FAF2: variants seen among roughly 807,000 people sequenced by gnomAD.
The protein encoded by FAF2 is FAS-associated factor 2.
Under a neutral mutation model 62.3 loss-of-function variants are expected in FAF2, and 9 were observed. The ratio of observed to expected loss-of-function variants is 0.14; its 90% CI spans 0.09 to 0.25. The LOEUF (loss-of-function observed/expected upper bound fraction) is 0.25, where lower values mean the gene tolerates loss of function less well. FAF2 is among the 10% of genes least tolerant of loss of function. The pLI is 1.00. For missense variants in FAF2, 368 were observed against 556.2 expected (o/e 0.66, Z 3.40); for synonymous variants, 202 against 198.0 (o/e 1.02, Z -0.17).
rs1314096875 is a variant in FAF2 at position 176,507,025 on chromosome 5, GA to G, written c.*85del. On this transcript the variant is annotated 3_prime_UTR_variant, in exon 11 of 11. Coordinates refer to ENST00000261942, the MANE Select transcript of FAF2 (RefSeq NM_014613.3). ...GAAAAAAGAAAACAACAGCAAGTCA[GA>G]AAAAAAAAACAAGAGAGAGAAATTC... is the stretch of plus-strand genomic sequence containing the variant. 357 of 924,056 alleles carry G rather than the reference GA, an allele frequency of 3.9e-4. No homozygotes were observed. Among genetic ancestry groups the G allele is most frequent in the Non-Finnish European group, 4.2e-4 (290 of 688,422 alleles). The allele number at this position is 924,056 out of a possible 1,614,324, so 57.2% of individuals were successfully genotyped here.
Position 176,499,085 on chromosome 5 carries a change from G to T in FAF2, c.1011G>T (p.Gln337His), listed in dbSNP as rs751214973. 1 of 1,573,172 alleles carries T rather than the reference G, an allele frequency of 6.4e-7. No homozygotes were observed. The highest frequency in any genetic ancestry group is 1.1e-5 in the South Asian group (1 of 87,200). Residue 337 changes from glutamine (Q) to histidine (H), a missense_variant and splice_region_variant, in exon 9 of 11, where the codon CAG (glutamine) becomes CAT (histidine). Gln to His is a conservative substitution (Grantham distance 24, BLOSUM62 0). Coordinates refer to ENST00000261942, the MANE Select transcript of FAF2 (RefSeq NM_014613.3). ...AGTTGGCAGAGGAGAGACGGCGGCA[G>T]GTAATGGACGTGTGGCTTTACTCCC... The part of the protein sequence containing the change: ...QQKLAEERRR[Q>H]NLQEEKERKL...
rs180734764 is a variant in FAF2 at position 176,457,022 on chromosome 5, G to A, written c.63+8552G>A. On this transcript the variant is annotated intron_variant, in intron 1 of 10. Transcript: ENST00000261942. ...GTTCAAAATGCGTTATTTTTTCAGA[G>A]TGGGCTGGGCATCGATATTTATGAA... Among the ~76,000 whole-genome samples the A allele has an allele frequency of 3.4e-3, 518 of 152,176 alleles. 3 individuals carry two copies. The highest frequency in any genetic ancestry group is 5.7e-3 in the Non-Finnish European group (390 of 68,008).
chr5:176,481,157 C>T (rs1227064854), intron 2 of FAF2, among the ~76,000 whole-genome samples: 1 of 152,032 alleles, frequency 6.6e-6, no homozygotes, highest in Non-Finnish European at 1.5e-5. Context: ...AGCAATTCTC[C>T]TGCCTCAGTC....
intron 7 of FAF2, among the ~76,000 whole-genome samples, chr5:176,495,803 G>T (rs907774791): frequency 6.6e-6 from 1 of 152,112 alleles, no homozygotes; most frequent in South Asian, 2.1e-4. Flanking sequence ...GGAGCTACCA[G>T]CCCAGCCTCA....
chr5:176,488,356 G>A (rs1581070357), intron 3 of FAF2, among the ~76,000 whole-genome samples: 1 of 152,146 alleles, frequency 6.6e-6, no homozygotes, highest in East Asian at 1.9e-4. Flanking sequence ...ACATTAATTT[G>A]CAATTGAATT....
intron 1 of FAF2, among the ~76,000 whole-genome samples, chr5:176,470,537 A>G (rs1049536865): frequency 2.6e-5 from 4 of 152,278 alleles, no homozygotes; most frequent in African/African-American, 9.6e-5. Context: ...AGATCGCGCC[A>G]TCGCGCTCCA....
chr5:176,477,039 AC>A (rs769451310), intron 1 of FAF2, among the ~76,000 whole-genome samples: 57 of 149,398 alleles, frequency 3.8e-4, no homozygotes, highest in Middle Eastern at 3.5e-3. Flanking sequence ...CGATCTCCTG[AC>A]TTCGTGATCC....
chr5:176,454,646 T>TA (rs1317710828), intron 1 of FAF2, among the ~76,000 whole-genome samples: 1 of 139,836 alleles, frequency 7.2e-6, no homozygotes, highest in African/African-American at 2.7e-5. Context: ...GTTAGCAACA[T>TA]ACAATTGTAT....
chr5:176,494,433 C>T lies in FAF2; in HGVS notation c.661+158C>T, dbSNP rs758715802. Among the ~76,000 whole-genome samples the T allele has an allele frequency of 6.6e-6, 1 of 152,132 alleles. No individual in the cohort carries two copies. Among genetic ancestry groups the T allele is most frequent in the African/African-American group, 2.4e-5 (1 of 41,416 alleles). The stretch of plus-strand genomic sequence containing the variant: ...GTCTCATTTAATCCTCTCAGCAGTC[C>T]TGAGAGATGGGGGGTCATATTACCT... On this transcript the variant is annotated intron_variant, in intron 7 of 10. Coordinates refer to ENST00000261942, the MANE Select transcript of FAF2 (RefSeq NM_014613.3). The surrounding 1 kb of genome is among the most constrained non-coding windows in gnomAD (Gnocchi z 4.0).
Position 176,492,222 on chromosome 5 carries a change from C to T in FAF2, c.373C>T (p.Pro125Ser). The change falls in exon 5 of 11, where the codon CCT becomes TCT. Residue 125 changes from proline (P) to serine (S), a missense_variant. This residue lies in a region of FAF2 where 331 missense variants were observed against 441.9 expected (regional missense o/e 0.75). Coordinates refer to ENST00000261942, the MANE Select transcript of FAF2 (RefSeq NM_014613.3). ...TGCTCTTCGTTTTATACGGCCTGACCCTCGCAGCCGGGTCACTGACCCCGT... is the reference window on the plus strand; with the variant it reads ...TGCTCTTCGTTTTATACGGCCTGACTCTCGCAGCCGGGTCACTGACCCCGT... ...RFALRFIRPD[P>S]RSRVTDPVGD... is the part of the protein sequence containing the mutation. The T allele has an allele frequency of 6.2e-7, 1 of 1,614,092 alleles. No homozygotes were observed. Among genetic ancestry groups the T allele is most frequent in the East Asian group, 2.2e-5 (1 of 44,884 alleles).
chr5:176,502,747 T>A (rs1037733165), intron 10 of FAF2, among the ~76,000 whole-genome samples: 5 of 151,622 alleles, frequency 3.3e-5, no homozygotes, highest in Non-Finnish European at 7.4e-5. Flanking sequence ...CACTAAAAGC[T>A]GTTTTTTAAA....
chr5:176,469,973 G>A (rs2113725786), intron 1 of FAF2, among the ~76,000 whole-genome samples: 1 of 152,232 alleles, frequency 6.6e-6, no homozygotes, highest in Admixed American at 6.5e-5. Context: ...GTGAGAGGGT[G>A]GGGTGGAAAA....
intron 1 of FAF2, among the ~76,000 whole-genome samples, chr5:176,456,485 A>T (rs908520568): frequency 2.6e-5 from 4 of 152,216 alleles, no homozygotes; most frequent in Admixed American, 6.5e-5. Context: ...ATATGAAAAG[A>T]TGCTCAAATC....
At chr5:176,504,833 G>A (rs112754273) in intron 10 of FAF2, among the ~76,000 whole-genome samples, 8 of 152,118 alleles carry the variant, frequency 5.3e-5, no homozygotes, top group African/African-American at 1.9e-4. Context: ...CCTGAAGAGG[G>A]CAACATGGCA....
intron 4 of FAF2, among the ~76,000 whole-genome samples, chr5:176,489,501 T>TC (rs1488749638): frequency 6.6e-6 from 1 of 152,078 alleles, no homozygotes; most frequent in Non-Finnish European, 1.5e-5. Flanking sequence ...TAGTTGGACC[T>TC]CCCTAGACAC....
intron 1 of FAF2, among the ~76,000 whole-genome samples, chr5:176,472,836 C>A (rs918182363): frequency 2.0e-5 from 3 of 152,118 alleles, no homozygotes; most frequent in Non-Finnish European, 4.4e-5. Flanking sequence ...GATCTTTCCC[C>A]TGCCTACTTC....
At chr5:176,470,565 C>G (rs1057027240) in intron 1 of FAF2, among the ~76,000 whole-genome samples, 2 of 152,204 alleles carry the variant, frequency 1.3e-5, no homozygotes, top group African/African-American at 2.4e-5. Context: ...CAACAAAGAG[C>G]GAAACTCTGT....
chr5:176,475,638 GC>G (rs1758674777), intron 1 of FAF2, among the ~76,000 whole-genome samples: 1 of 152,180 alleles, frequency 6.6e-6, no homozygotes, highest in South Asian at 2.1e-4. Flanking sequence ...CGTGGTGGCA[GC>G]CACCTGTAAT....
At chr5:176,449,767 A>G (rs1291066108) in intron 1 of FAF2, among the ~76,000 whole-genome samples, 6 of 152,216 alleles carry the variant, frequency 3.9e-5, no homozygotes, top group Non-Finnish European at 8.8e-5. Flanking sequence ...TTATTCAACT[A>G]TATGAAGAAC....
Sources: gnomAD v4.1 joint callset for allele counts (sites outside exome capture counted in the v4.1 genomes callset) on GRCh38, gnomAD v4.1.1 for gene constraint, gnomAD v4.1.1 regional missense constraint, Gnocchi (gnomAD v3.1) non-coding constraint, MANE v1.5 for transcripts, NCBI Gene and HGNC (gene_info 2026-07-23, HGNC 2026-07-21) for gene names.